ASIC2: variants seen among roughly 807,000 people sequenced by gnomAD.
ASIC2 encodes acid sensing ion channel subunit 2.
ASIC2 carries 25 observed loss-of-function variants against 57.3 expected under a neutral mutation model. That is an observed-to-expected ratio of 0.44 (90% confidence interval 0.32 to 0.61). The LOEUF (loss-of-function observed/expected upper bound fraction) is 0.61, where lower values mean the gene tolerates loss of function less well. Ranked by LOEUF, ASIC2 falls within the 20% of genes least tolerant of loss-of-function variation. The pLI is 0.06. For missense variants in ASIC2, 641 were observed against 738.1 expected, an observed-to-expected ratio of 0.87 and a Z score of 1.52; for synonymous variants, 319 against 307.5, an observed-to-expected ratio of 1.04 and a Z score of -0.39.
chr17:33,651,855 AAGAG>A (rs1906930507), intron 1 of ASIC2, among the ~76,000 whole-genome samples: 1 of 152,216 alleles, frequency 6.6e-6, no homozygotes, highest in African/African-American at 2.4e-5. Flanking sequence ...GATGTGACAA[AAGAG>A]AGTGAGGTGG....
At chr17:34,037,932 T>C in intron 1 of ASIC2, 1 of 1,613,798 alleles carries the variant, frequency 6.2e-7, no homozygotes, top group Non-Finnish European at 8.5e-7. Flanking sequence ...TGATAGAAGA[T>C]CACACCCACC....
intron 1 of ASIC2, among the ~76,000 whole-genome samples, chr17:33,572,567 A>G (rs113378455): frequency 6.6e-6 from 1 of 152,302 alleles, no homozygotes; most frequent in African/African-American, 2.4e-5. Context: ...ACCCTTGGTC[A>G]TAAATAGGGG....
At chr17:33,898,066 C>T (rs921183440) in intron 1 of ASIC2, among the ~76,000 whole-genome samples, 1 of 152,046 alleles carries the variant, frequency 6.6e-6, no homozygotes, top group African/African-American at 2.4e-5. Context: ...ATTGGACATG[C>T]AACAGGATTC....
At chr17:33,650,573 C>G (rs938091317) in intron 1 of ASIC2, among the ~76,000 whole-genome samples, 3 of 152,172 alleles carry the variant, frequency 2.0e-5, no homozygotes, top group African/African-American at 7.2e-5. Context: ...CCTGAAACAA[C>G]TCAGATGTCC....
chr17:33,782,169 C>T (rs573558525), intron 1 of ASIC2, among the ~76,000 whole-genome samples: 7 of 152,070 alleles, frequency 4.6e-5, no homozygotes, highest in Non-Finnish European at 1.0e-4. Context: ...TAATGAAGTC[C>T]AATTTATACA....
intron 1 of ASIC2, among the ~76,000 whole-genome samples, chr17:33,974,227 T>A (rs191726741): frequency 3.3e-5 from 5 of 152,298 alleles, no homozygotes; most frequent in African/African-American, 1.2e-4. Context: ...AAACTTCCCC[T>A]TTCCTGAATA....
chr17:33,392,283 C>T (rs1909929527), intron 1 of ASIC2, among the ~76,000 whole-genome samples: 1 of 144,048 alleles, frequency 6.9e-6, no homozygotes. Context: ...TTTTTTTTGA[C>T]AGAGTCTTGC....
At chr17:33,794,521 G>A (rs1220940472) in intron 1 of ASIC2, 3 of 152,200 alleles carry the variant, frequency 2.0e-5, no homozygotes, top group Non-Finnish European at 4.4e-5. Flanking sequence ...TTCAAACACT[G>A]TAGTGTGGGG....
chr17:33,521,313 G>A (rs1914735176), intron 1 of ASIC2, among the ~76,000 whole-genome samples: 1 of 152,164 alleles, frequency 6.6e-6, no homozygotes, highest in South Asian at 2.1e-4. Context: ...GGCTCTGCAG[G>A]GGGAGGTGGG....
At chr17:33,155,002 T>G (rs1904940748) in intron 1 of ASIC2, among the ~76,000 whole-genome samples, 1 of 152,146 alleles carries the variant, frequency 6.6e-6, no homozygotes, top group African/African-American at 2.4e-5. Context: ...GTCTTTCACC[T>G]GCGCCGCGGT....
intron 1 of ASIC2, among the ~76,000 whole-genome samples, chr17:33,554,734 C>G (rs1424327170): frequency 1.3e-5 from 2 of 152,116 alleles, no homozygotes; most frequent in African/African-American, 4.8e-5. Flanking sequence ...AGGGTACATA[C>G]AGTCCTCACC....
intron 1 of ASIC2, among the ~76,000 whole-genome samples, chr17:34,016,000 G>T (rs1468774294): frequency 6.6e-6 from 1 of 152,184 alleles, no homozygotes; most frequent in African/African-American, 2.4e-5. Context: ...ATATTGGACT[G>T]TCAAAATAAA....
chr17:33,741,685 A>G (rs1055979239), intron 1 of ASIC2, among the ~76,000 whole-genome samples: 1 of 152,208 alleles, frequency 6.6e-6, no homozygotes. Context: ...TGCCACTGAT[A>G]ATGCTGACAG....
chr17:34,061,722 C>G (rs1908976603), intron 1 of ASIC2, among the ~76,000 whole-genome samples: 1 of 151,910 alleles, frequency 6.6e-6, no homozygotes, highest in East Asian at 1.9e-4. Flanking sequence ...ACACGGGTAG[C>G]TATTCTTATA....
chr17:33,749,423 G>C (rs1379573790), intron 1 of ASIC2, among the ~76,000 whole-genome samples: 1 of 151,994 alleles, frequency 6.6e-6, no homozygotes. Flanking sequence ...CGGACCGTGT[G>C]GGAGGGGCGC....
chr17:33,940,504 C>G (rs1014664655), intron 1 of ASIC2, among the ~76,000 whole-genome samples: 6 of 152,106 alleles, frequency 3.9e-5, no homozygotes, highest in African/African-American at 1.4e-4. Context: ...ATAACCCCCT[C>G]CCTCCCTCCT....
At chr17:33,842,047 T>C (rs1913453429) in intron 1 of ASIC2, among the ~76,000 whole-genome samples, 1 of 152,138 alleles carries the variant, frequency 6.6e-6, no homozygotes, top group Non-Finnish European at 1.5e-5. Context: ...GGTGGCAGGC[T>C]GGACAACATA....
intron 1 of ASIC2, among the ~76,000 whole-genome samples, chr17:33,914,432 GCCCTGACAAAA>G (rs1359789426): frequency 6.6e-6 from 1 of 152,140 alleles, no homozygotes; most frequent in Non-Finnish European, 1.5e-5. Flanking sequence ...TGCAATAGAG[GCCCTGACAAAA>G]CCCAGTTCAG....
chr17:33,697,242 T>TAA (rs931217254), intron 1 of ASIC2, among the ~76,000 whole-genome samples: 4 of 152,166 alleles, frequency 2.6e-5, no homozygotes, highest in African/African-American at 9.7e-5. Flanking sequence ...CTTTTCTCTA[T>TAA]AAATTACCCA....
Sources: allele counts gnomAD v4.1 joint callset (sites outside exome capture counted in the v4.1 genomes callset), GRCh38; gene constraint gnomAD v4.1.1; transcripts MANE v1.5; gene names NCBI Gene and HGNC (gene_info 2026-07-23, HGNC 2026-07-21).